The following ABCA10 variants were observed in gnomAD, a reference collection of about 807,000 sequenced individuals.
ABCA10 encodes ATP binding cassette subfamily A member 10, also known as ATP-binding cassette sub-family A member 10.
Under a neutral mutation model 187.5 loss-of-function variants are expected in ABCA10, and 169 were observed. The observed-to-expected ratio is 0.90, with a 90% CI of 0.80 to 1.02. The LOEUF is 1.02. Ranked by LOEUF, ABCA10 falls within the 50% of genes least tolerant of loss-of-function variation. The pLI is 0.00. For missense variants in ABCA10, 1,727 were observed against 1,812.4 expected, an observed-to-expected ratio of 0.95 and a Z score of 0.86; for synonymous variants, 574 against 601.8, an observed-to-expected ratio of 0.95 and a Z score of 0.68.
chr17:69,148,794 G>T lies in ABCA10; in HGVS notation c.*33C>A. The T allele has an allele frequency of 6.6e-7, 1 of 1,509,640 alleles. No individual in the cohort carries two copies. Among genetic ancestry groups the T allele is most frequent in the Non-Finnish European group, 9.2e-7 (1 of 1,089,382 alleles). 93.5% of individuals were successfully genotyped at this position (1,509,640 alleles called of 1,614,324 possible). On this transcript the variant is annotated 3_prime_UTR_variant, in exon 39 of 39. Coordinates refer to ENST00000690296, the MANE Select transcript of ABCA10 (RefSeq NM_001377321.1). Reference sequence around the variant, plus strand: ...ATTATGGAAACTAACAATGTAGTAGGACCTAAAATTGAATGTTAGGAGGTT... The same window carrying T: ...ATTATGGAAACTAACAATGTAGTAGTACCTAAAATTGAATGTTAGGAGGTT...
Position 69,152,438 on chromosome 17 carries a change from G to A in ABCA10, c.4180C>T (p.Leu1394Phe). Reference sequence around the variant, plus strand: ...TCTGACATGTAATGGGTGGTCAAGAGGGTGCCCCTCTCCTTGTTTTTAACG... The same window carrying A: ...TCTGACATGTAATGGGTGGTCAAGAAGGTGCCCCTCTCCTTGTTTTTAACG... ...ATVKNKERGT[L>F]LTTHYMSEAE... Residue 1394 changes from leucine to phenylalanine, a missense_variant, in exon 35 of 39, where the codon CTC (leucine) becomes TTC (phenylalanine). Leu to Phe is a conservative substitution (Grantham distance 22). Coordinates refer to ENST00000690296, the MANE Select transcript of ABCA10 (RefSeq NM_001377321.1). 6.2e-7 allele frequency: 1 copy of A among 1,613,934 alleles called. No individual in the cohort carries two copies. Among genetic ancestry groups the A allele is most frequent in the African/African-American group, 1.3e-5 (1 of 75,018 alleles).
chr17:69,193,446 A>C, intron 14 of ABCA10, 47 bp downstream of exon 14: 1 of 1,576,976 alleles, frequency 6.3e-7, no homozygotes, highest in Non-Finnish European at 8.6e-7. Flanking sequence ...TAATAGTTGT[A>C]TATCCTTCAA....
chr17:69,192,685 T>C (rs2074469998), intron 15 of ABCA10, 32 bp from the exon 16 acceptor site: 1 of 1,538,490 alleles, frequency 6.5e-7, no homozygotes, highest in Non-Finnish European at 9.0e-7. Context: ...AAAAATTATG[T>C]GAAGAGTAAT....
intron 12 of ABCA10, 129 bp from the exon 13 acceptor site, chr17:69,194,118 G>T: frequency 2.2e-6 from 2 of 911,828 alleles, no homozygotes; most frequent in Non-Finnish European, 3.2e-6. Context: ...TTTTCCAATT[G>T]CATAATTAAT....
chr17:69,154,420 CTTTTTTTT>C (rs56142812), intron 30 of ABCA10, 94 bp from the exon 31 acceptor site: 6 of 464,348 alleles, frequency 1.3e-5, no homozygotes, highest in East Asian at 4.1e-5. Context: ...AACAAAATGA[CTTTTTTTT>C]TTTTTTTTTT....
chr17:69,187,301 G>C (rs1293921600), intron 19 of ABCA10, among the ~76,000 whole-genome samples: 1 of 152,110 alleles, frequency 6.6e-6, no homozygotes, highest in East Asian at 1.9e-4. Flanking sequence ...GAGGAGGCAT[G>C]AAGAGATATC....
At chr17:69,211,351 A>ATATATATATGTG (rs2074656528) in intron 9 of ABCA10, among the ~76,000 whole-genome samples, 8 of 19,580 alleles carry the variant, frequency 4.1e-4, no homozygotes, top group South Asian at 1.4e-3. Context: ...ATATATATAT[A>ATATATATATGTG]TATATATATA....
Position 69,222,557 on chromosome 17 carries a change from T to C in ABCA10, c.175A>G (p.Ile59Val), listed in dbSNP as rs1034230750. The change falls in exon 4 of 39, where the codon ATA becomes GTA. Residue 59 changes from isoleucine (I) to valine (V), a missense_variant. By Grantham distance (29) the Ile-to-Val change is conservative. Transcript: ENST00000690296. ...KFNWGYRIPV[I>V]KEHSEYTEHC... ...CCTGTGTATTCAGAGTGCTCCTTTA[T>C]AACTGGGATTCTATATCCCCAATTA... 2 of 1,584,498 alleles carry C rather than the reference T, an allele frequency of 1.3e-6. No individual in the cohort carries two copies. The highest frequency in any genetic ancestry group is 2.0e-5 in the Admixed American group (1 of 49,912).
intron 9 of ABCA10, among the ~76,000 whole-genome samples, chr17:69,213,034 C>T (rs934853786): frequency 3.3e-5 from 5 of 152,160 alleles, no homozygotes; most frequent in Non-Finnish European, 5.9e-5. Flanking sequence ...GAAGTTGCCA[C>T]GTGGACAGAC....
intron 22 of ABCA10, among the ~76,000 whole-genome samples, chr17:69,176,256 A>G (rs1297531855): frequency 6.6e-6 from 1 of 152,186 alleles, no homozygotes; most frequent in Non-Finnish European, 1.5e-5. Context: ...ATGCTTAGGC[A>G]TTATGCCTAA....
chr17:69,186,119 A>G (rs574342546), intron 19 of ABCA10, among the ~76,000 whole-genome samples: 4 of 152,278 alleles, frequency 2.6e-5, no homozygotes, highest in Admixed American at 2.6e-4. Flanking sequence ...TTAAAACACT[A>G]TTTTTATATC....
intron 4 of ABCA10, among the ~76,000 whole-genome samples, chr17:69,222,125 C>A (rs555969007): frequency 6.6e-6 from 1 of 151,948 alleles, no homozygotes; most frequent in East Asian, 1.9e-4. Flanking sequence ...GAGGCCGAGG[C>A]GGGTGGATCA....
At chr17:69,183,863 T>TGGGG (rs2074400406) in intron 20 of ABCA10, among the ~76,000 whole-genome samples, 1 of 152,014 alleles carries the variant, frequency 6.6e-6, no homozygotes, top group Admixed American at 6.6e-5. Flanking sequence ...GACAGAATCT[T>TGGGG]GGGGAAGGAA....
intron 29 of ABCA10, 91 bp downstream of exon 29, chr17:69,155,714 G>C (rs1352091736): frequency 6.2e-6 from 9 of 1,441,776 alleles, no homozygotes; most frequent in African/African-American, 1.4e-5. Flanking sequence ...AGAAACTAAA[G>C]CAGCTTTTCA....
At chr17:69,149,301 G>A (rs2074110730) in intron 37 of ABCA10, 2 of 530,302 alleles carry the variant, frequency 3.8e-6, no homozygotes, top group South Asian at 6.2e-5. Flanking sequence ...ACTCGAAAAA[G>A]CTCCTTGTGT....
chr17:69,193,910 T>C lies in ABCA10; in HGVS notation c.1425A>G (p.Pro475=), dbSNP rs1040917514. The change falls in exon 13 of 39, where the codon CCA becomes CCG. Residue 475 remains proline (P), a synonymous_variant. Coordinates refer to ENST00000690296, the MANE Select transcript of ABCA10 (RefSeq NM_001377321.1). ...GGAAGTCAAATTGAAAATTGAACTG[T>C]GGACAAAATCCAATATTCTTTCTAA... ...EEIRKNIGFC[P]QFNFQFDFLT... The C allele has an allele frequency of 6.2e-7, 1 of 1,612,926 alleles. No individual in the cohort carries two copies. The highest frequency in any genetic ancestry group is 1.3e-5 in the African/African-American group (1 of 74,890).
intron 6 of ABCA10, among the ~76,000 whole-genome samples, chr17:69,217,496 C>T (rs1452058677): frequency 6.6e-6 from 1 of 152,136 alleles, no homozygotes; most frequent in Non-Finnish European, 1.5e-5. Flanking sequence ...ATGCCAAAAA[C>T]TAGAAACAAC....
intron 25 of ABCA10, among the ~76,000 whole-genome samples, chr17:69,173,749 T>C (rs919625205): frequency 6.6e-6 from 1 of 152,206 alleles, no homozygotes; most frequent in African/African-American, 2.4e-5. Context: ...AGATATCAGC[T>C]AGTGATAGGG....
At chr17:69,207,880 A>G (rs1413810601) in intron 9 of ABCA10, among the ~76,000 whole-genome samples, 3 of 152,186 alleles carry the variant, frequency 2.0e-5, no homozygotes, top group African/African-American at 7.2e-5. Flanking sequence ...ACTACAGCTA[A>G]TAACAACGTA....
Sources: allele counts gnomAD v4.1 joint callset (sites outside exome capture counted in the v4.1 genomes callset), GRCh38; gene constraint gnomAD v4.1.1; transcripts MANE v1.5; gene names NCBI Gene and HGNC (gene_info 2026-07-23, HGNC 2026-07-21).